The following ARHGAP10 variants were observed in gnomAD, a reference collection of about 807,000 sequenced individuals.
ARHGAP10 encodes the protein Rho GTPase activating protein 10.
In ARHGAP10, 87 loss-of-function variants were observed where a neutral mutation model predicts 108.6. The observed-to-expected ratio is 0.80, with a 90% CI of 0.67 to 0.96. The LOEUF is 0.96. Among genes scored for constraint, ARHGAP10 ranks in the 40% least tolerant of loss-of-function variants. The pLI is 0.00. For missense variants in ARHGAP10, 939 were observed against 954.5 expected, an observed-to-expected ratio of 0.98 and a Z score of 0.21; for synonymous variants, 347 against 341.1, an observed-to-expected ratio of 1.02 and a Z score of -0.19.
At chr4:147,973,587 T>A (rs374800440) in intron 18 of ARHGAP10, among the ~76,000 whole-genome samples, 23 of 152,352 alleles carry the variant, frequency 1.5e-4, no homozygotes, top group African/African-American at 4.3e-4. Flanking sequence ...GAAATTATTG[T>A]TGACTTCAGT....
At chr4:147,872,765 T>C (rs562869732) in intron 7 of ARHGAP10, among the ~76,000 whole-genome samples, 7 of 152,210 alleles carry the variant, frequency 4.6e-5, no homozygotes, top group Admixed American at 1.3e-4. Flanking sequence ...TGGATCATCA[T>C]AAAGGCCTTC....
rs150653432 is a variant in ARHGAP10 at position 147,829,234 on chromosome 4, A to G, written c.312+6277A>G. On this transcript the variant is annotated intron_variant, in intron 3 of 22. Coordinates refer to ENST00000336498, the MANE Select transcript of ARHGAP10 (RefSeq NM_024605.4). ...TCCGGCTAATTTTTTTTGTATTTTT[A>G]GTAGAGACAGGGTTTCACCGTGGTA... Among the ~76,000 whole-genome samples the G allele has an allele frequency of 1.9e-3, 295 of 151,928 alleles. 2 individuals carry two copies. The highest frequency in any genetic ancestry group is 7.0e-3 in the African/African-American group (291 of 41,438).
intron 20 of ARHGAP10, among the ~76,000 whole-genome samples, chr4:148,054,692 C>T (rs1374572276): frequency 1.3e-5 from 2 of 152,178 alleles, no homozygotes; most frequent in Admixed American, 1.3e-4. Context: ...TGGGGATCTG[C>T]TTTGTCAGAG....
chr4:148,034,484 A>ATT (rs76525018), intron 19 of ARHGAP10, among the ~76,000 whole-genome samples: 54 of 139,178 alleles, frequency 3.9e-4, no homozygotes, highest in African/African-American at 7.4e-4. Flanking sequence ...CTCCCGGCTA[A>ATT]TTTTTTTTTT....
At chr4:147,980,997 A>G (rs567343677) in intron 18 of ARHGAP10, among the ~76,000 whole-genome samples, 29 of 152,220 alleles carry the variant, frequency 1.9e-4, no homozygotes, top group Admixed American at 1.8e-3. Context: ...AATCTTGTTT[A>G]TCCTTTCAGA....
intron 19 of ARHGAP10, among the ~76,000 whole-genome samples, chr4:148,024,561 T>C (rs1233041689): frequency 4.6e-5 from 7 of 152,204 alleles, no homozygotes; most frequent in African/African-American, 7.2e-5. Context: ...GGGACTAAAA[T>C]GTGGGATTCT....
chr4:147,763,746 CTT>C (rs35774782), intron 1 of ARHGAP10, among the ~76,000 whole-genome samples: 52 of 93,172 alleles, frequency 5.6e-4, no homozygotes, highest in African/African-American at 1.5e-3. Flanking sequence ...ATGGTGATTC[CTT>C]TTTTTTTTTT....
At chr4:147,755,844 T>A (rs559512309) in intron 1 of ARHGAP10, among the ~76,000 whole-genome samples, 7 of 152,280 alleles carry the variant, frequency 4.6e-5, no homozygotes, top group Admixed American at 1.3e-4. Context: ...CCTCTGTGGC[T>A]GTTTGCTGTG....
chr4:147,754,123 A>G (rs1053363346), intron 1 of ARHGAP10, among the ~76,000 whole-genome samples: 1 of 152,136 alleles, frequency 6.6e-6, no homozygotes, highest in African/African-American at 2.4e-5. Flanking sequence ...ATAGGCACTG[A>G]GTCAGTACCC....
chr4:147,892,965 T>A (rs1292632206), intron 10 of ARHGAP10, among the ~76,000 whole-genome samples: 1 of 152,204 alleles, frequency 6.6e-6, no homozygotes, highest in South Asian at 2.1e-4. Flanking sequence ...CATCATCTGC[T>A]CCAAAATGTC....
In ARHGAP10 at chr4:147,913,220, T is replaced by C. The variant is rs1281437989; in HGVS notation, c.1228+81T>C. 38 of 1,283,930 alleles carry C rather than the reference T, an allele frequency of 3.0e-5. 1 individual carries two copies. The Middle Eastern group carries it at 7.6e-4, about 26-fold the overall frequency. 79.5% of individuals were successfully genotyped at this position (1,283,930 alleles called of 1,614,324 possible). On this transcript the variant is annotated intron_variant, in intron 13 of 22. Transcript: ENST00000336498. ...AGTCATTAAAAATACTTCTTGCTTTTAAGTGTTACAGAATGAAACGTGTTA... is the reference window on the plus strand; with the variant it reads ...AGTCATTAAAAATACTTCTTGCTTTCAAGTGTTACAGAATGAAACGTGTTA...
chr4:147,834,464 C>T (rs1307122347), intron 3 of ARHGAP10, among the ~76,000 whole-genome samples: 1 of 151,942 alleles, frequency 6.6e-6, no homozygotes, highest in Non-Finnish European at 1.5e-5. Flanking sequence ...GAGTGAGACC[C>T]CATCTCAAAA....
rs71250029 is a variant in ARHGAP10, at chr4:147,837,650, T to TTTTTTTTTTTTTTTTTTTTTTTG, written c.313-9489_313-9488insTTTTTTTTTTGTTTTTTTTTTTT. Among the ~76,000 whole-genome samples, 7 of 112,004 alleles carry TTTTTTTTTTTTTTTTTTTTTTTG rather than the reference T, an allele frequency of 6.2e-5. 1 individual carries two copies. The highest frequency in any genetic ancestry group is 1.2e-4 in the Admixed American group (1 of 8,416). The allele number at this position is 112,004 out of a possible 152,430, so 73.5% of individuals were successfully genotyped here. A position where few individuals can be genotyped will look rare whatever the true frequency, so the allele number is the denominator to read the frequency against. ...CTAGAATCTCTGGTCACTGTTTTTT[T>TTTTTTTTTTTTTTTTTTTTTTTG]TTTTTTTTTTTTAAAGCAGTAGCTT... On this transcript the variant is annotated intron_variant, in intron 3 of 22. Coordinates refer to ENST00000336498, the MANE Select transcript of ARHGAP10 (RefSeq NM_024605.4).
chr4:147,939,919 A>C lies in ARHGAP10; in HGVS notation c.1303+20A>C, dbSNP rs765670783. On this transcript the variant is annotated intron_variant, in intron 14 of 22. Coordinates refer to ENST00000336498, the MANE Select transcript of ARHGAP10 (RefSeq NM_024605.4). ...TGATGGGTATGCCTCTTTTCTAATC[A>C]TTTTTCCATGTGTTATTTGTGTATG... is the stretch of plus-strand genomic sequence containing the variant. The C allele has an allele frequency of 1.2e-5, 19 of 1,595,230 alleles. No homozygotes were observed. The highest frequency in any genetic ancestry group is 1.6e-5 in the Non-Finnish European group (19 of 1,164,742).
intron 22 of ARHGAP10, 136 bp downstream of exon 22, chr4:148,064,643 C>T (rs1378003622): frequency 1.6e-5 from 12 of 753,692 alleles, no homozygotes; most frequent in African/African-American, 8.8e-5. Context: ...CTGGATTAAG[C>T]GGCTGCGTTA....
chr4:147,764,440 G>A (rs1470532410), intron 1 of ARHGAP10, among the ~76,000 whole-genome samples: 1 of 151,684 alleles, frequency 6.6e-6, no homozygotes, highest in Non-Finnish European at 1.5e-5. Flanking sequence ...TTTGAAGTGT[G>A]GCTGATCTCC....
At chr4:147,915,388 C>CT (rs1252980684) in intron 13 of ARHGAP10, among the ~76,000 whole-genome samples, 1 of 152,100 alleles carries the variant, frequency 6.6e-6, no homozygotes, top group East Asian at 1.9e-4. Flanking sequence ...ACTCATGTTT[C>CT]TTTTTTTCTG....
chr4:147,749,365 A>G (rs1379345610), intron 1 of ARHGAP10, among the ~76,000 whole-genome samples: 1 of 152,252 alleles, frequency 6.6e-6, no homozygotes, highest in East Asian at 1.9e-4. Flanking sequence ...AGAATTAAAT[A>G]GCAGTTTACT....
chr4:147,850,509 A>G (rs1461387380), intron 4 of ARHGAP10, among the ~76,000 whole-genome samples: 1 of 152,106 alleles, frequency 6.6e-6, no homozygotes, highest in Admixed American at 6.5e-5. Context: ...ACAACTCTCT[A>G]TGCGCCACCT....
Sources: allele counts gnomAD v4.1 joint callset (sites outside exome capture counted in the v4.1 genomes callset), GRCh38; gene constraint gnomAD v4.1.1; transcripts MANE v1.5; gene names NCBI Gene and HGNC (gene_info 2026-07-23, HGNC 2026-07-21).